Variants in SUGCT observed in about 807,000 individuals in gnomAD.
SUGCT encodes the protein succinyl-CoA:glutarate-CoA transferase, also known as succinyl-CoA:glutarate CoA-transferase.
SUGCT carries 41 observed loss-of-function variants against 55.0 expected under a neutral mutation model. That is an observed-to-expected ratio of 0.74 (90% confidence interval 0.58 to 0.97). SUGCT has a LOEUF of 0.97. SUGCT is among the 50% of genes least tolerant of loss of function. The pLI is 0.00. For missense variants in SUGCT, 568 were observed against 547.8 expected (o/e 1.04, Z -0.37); for synonymous variants, 187 against 200.4 (o/e 0.93, Z 0.56).
At chr7:40,178,607 C>G (rs1785036515) in intron 1 of SUGCT, among the ~76,000 whole-genome samples, 1 of 151,916 alleles carries the variant, frequency 6.6e-6, no homozygotes, top group African/African-American at 2.4e-5. Context: ...TCAATGTCCT[C>G]CTGATAACCA....
chr7:40,608,181 C>A (rs771294549), intron 12 of SUGCT, among the ~76,000 whole-genome samples: 28 of 152,138 alleles, frequency 1.8e-4, no homozygotes, highest in Non-Finnish European at 3.5e-4. Flanking sequence ...ATGTAACATA[C>A]ATGAAGTAGA....
chr7:41,025,826 A>G, the SUGCT span, among the ~76,000 whole-genome samples: 15,710 of 152,162 alleles, frequency 0.1, 1,725 homozygotes, highest in African/African-American at 0.27. Context: ...GGTGTATTAG[A>G]TTTTTAACCT....
the SUGCT span, among the ~76,000 whole-genome samples, chr7:40,870,768 G>A: frequency 0.091 from 13,831 of 151,946 alleles, 723 homozygotes; most frequent in Middle Eastern, 0.15. Context: ...AGAGTTGCCC[G>A]TTCTCCATTT....
chr7:40,554,932 T>G (rs561930257), intron 12 of SUGCT, among the ~76,000 whole-genome samples: 1 of 152,282 alleles, frequency 6.6e-6, no homozygotes, highest in East Asian at 1.9e-4. Context: ...ATGTCACCAT[T>G]CTGCATATCC....
the SUGCT span, among the ~76,000 whole-genome samples, chr7:41,005,236 C>G: frequency 6.6e-6 from 1 of 152,106 alleles, no homozygotes; most frequent in Non-Finnish European, 1.5e-5. Context: ...TTTAGAAAGC[C>G]AGTGTTTCCC....
chr7:40,787,722 A>T (rs1378044011), intron 13 of SUGCT, among the ~76,000 whole-genome samples: 1 of 146,800 alleles, frequency 6.8e-6, no homozygotes, highest in Non-Finnish European at 1.5e-5. Flanking sequence ...CCAAAGAACC[A>T]GGAAAGGGGC....
intron 12 of SUGCT, among the ~76,000 whole-genome samples, chr7:40,696,707 T>A (rs573506423): frequency 2.6e-5 from 4 of 152,222 alleles, no homozygotes; most frequent in Non-Finnish European, 5.9e-5. Context: ...AACTCTTTCA[T>A]GCTCAGCGAC....
intron 12 of SUGCT, among the ~76,000 whole-genome samples, chr7:40,619,851 T>C (rs1034919354): frequency 6.6e-6 from 1 of 152,240 alleles, no homozygotes; most frequent in African/African-American, 2.4e-5. Context: ...ATATAATGTT[T>C]CCTTGTCGTA....
chr7:40,370,351 T>C (rs1562722099), intron 9 of SUGCT, among the ~76,000 whole-genome samples: 1 of 152,132 alleles, frequency 6.6e-6, no homozygotes, highest in African/African-American at 2.4e-5. Context: ...GGCCCTGCAC[T>C]GTAGCTGCTC....
intron 8 of SUGCT, among the ~76,000 whole-genome samples, chr7:40,283,589 C>G (rs1290885384): frequency 1.3e-5 from 2 of 152,102 alleles, no homozygotes; most frequent in Non-Finnish European, 2.9e-5. Context: ...ATGTCCAACA[C>G]TATGAATCAT....
At position 40,280,081 on chromosome 7, in the gene SUGCT, A is replaced by G. The variant is rs184139596; in HGVS notation, c.720+5425A>G. Reference sequence around the variant, plus strand: ...TCTTAAAAGTGATCTAGTGTAAAAAAGACAATTTACACCTGATTGGAATAG... The same window carrying G: ...TCTTAAAAGTGATCTAGTGTAAAAAGGACAATTTACACCTGATTGGAATAG... On this transcript the variant is annotated intron_variant, in intron 8 of 13. Transcript: ENST00000335693. Among the ~76,000 whole-genome samples, 177 of 152,340 alleles carry G rather than the reference A, an allele frequency of 1.2e-3. 1 individual carries two copies. The highest frequency in any genetic ancestry group is 3.4e-3 in the Middle Eastern group (1 of 294).
At chr7:40,951,665 G>C in the SUGCT span, among the ~76,000 whole-genome samples, 27 of 151,982 alleles carry the variant, frequency 1.8e-4, no homozygotes, top group Middle Eastern at 6.8e-3. Flanking sequence ...CTTTGTTCTC[G>C]TTGGTTTCAA....
intron 1 of SUGCT, among the ~76,000 whole-genome samples, chr7:40,161,676 A>G (rs914847693): frequency 5.3e-5 from 8 of 152,110 alleles, no homozygotes; most frequent in African/African-American, 1.9e-4. Context: ...CTTATATTGA[A>G]TAGTAATTTG....
chr7:40,711,151 A>C (rs1785694582), intron 12 of SUGCT, among the ~76,000 whole-genome samples: 1 of 152,224 alleles, frequency 6.6e-6, no homozygotes, highest in Admixed American at 6.5e-5. Context: ...AGAAGTGACC[A>C]CTGCGCTGCC....
At chr7:40,639,399 A>G (rs1800163449) in intron 12 of SUGCT, among the ~76,000 whole-genome samples, 1 of 152,216 alleles carries the variant, frequency 6.6e-6, no homozygotes, top group African/African-American at 2.4e-5. Context: ...TTCCAGTTCT[A>G]TTACCAGATA....
At chr7:40,233,561 C>T (rs1245908829) in intron 6 of SUGCT, among the ~76,000 whole-genome samples, 1 of 152,102 alleles carries the variant, frequency 6.6e-6, no homozygotes, top group Non-Finnish European at 1.5e-5. Context: ...TGCAAGATTC[C>T]ACGTACAAAA....
chr7:40,144,308 A>G (rs1457908471), intron 1 of SUGCT, among the ~76,000 whole-genome samples: 2 of 152,250 alleles, frequency 1.3e-5, no homozygotes, highest in African/African-American at 2.4e-5. Flanking sequence ...TAATAACTAG[A>G]TGGTCAGCAA....
chr7:40,614,198 AT>A (rs1798893378), intron 12 of SUGCT, among the ~76,000 whole-genome samples: 1 of 151,814 alleles, frequency 6.6e-6, no homozygotes, highest in Admixed American at 6.6e-5. Context: ...CTTTCCCTAA[AT>A]TTTGTTGAGT....
chr7:40,720,041 C>T (rs1786240970), intron 12 of SUGCT, among the ~76,000 whole-genome samples: 3 of 152,176 alleles, frequency 2.0e-5, no homozygotes, highest in Non-Finnish European at 4.4e-5. Context: ...CTGCCTCGGC[C>T]TCCCAAAGTG....
Sources: allele counts gnomAD v4.1 joint callset (sites outside exome capture counted in the v4.1 genomes callset), GRCh38; gene constraint gnomAD v4.1.1; transcripts MANE v1.5; gene names NCBI Gene and HGNC (gene_info 2026-07-23, HGNC 2026-07-21).